Variants in BOD1L1 observed in about 807,000 individuals in gnomAD.
BOD1L1 encodes biorientation of chromosomes in cell division protein 1-like 1.
BOD1L1 carries 86 observed loss-of-function variants against 240.7 expected under a neutral mutation model. The ratio of observed to expected loss-of-function variants is 0.36; its 90% CI spans 0.30 to 0.43. BOD1L1 has a LOEUF of 0.43. Ranked by LOEUF, BOD1L1 falls within the 20% of genes least tolerant of loss-of-function variation. BOD1L1 has a pLI of 1.00. For missense variants in BOD1L1, 3,554 were observed against 3,643.5 expected (o/e 0.98, Z 0.63); for synonymous variants, 1,268 against 1,272.3 (o/e 1.00, Z 0.07).
At position 13,609,415 on chromosome 4, in the gene BOD1L1, A is replaced by G. The variant is rs889194362; in HGVS notation, c.1492-9T>C. ...TCTTCTTTTTCTTTGGCCTAAAACC[A>G]CAAAATACCCTAACAGATTATTAGG... On this transcript the variant is annotated splice_polypyrimidine_tract_variant and intron_variant, in intron 6 of 25. Coordinates refer to ENST00000040738, the MANE Select transcript of BOD1L1 (RefSeq NM_148894.3). 2.9e-5 allele frequency: 43 copies of G among 1,478,172 alleles called. No individual in the cohort carries two copies. The highest frequency in any genetic ancestry group is 3.4e-5 in the Non-Finnish European group (38 of 1,110,154). The allele number at this position is 1,478,172 out of a possible 1,614,324, so 91.6% of individuals were successfully genotyped here.
In BOD1L1 at chr4:13,611,049, C is replaced by T; in HGVS notation, c.1376G>A (p.Ser459Asn). Reference protein sequence around the residue: ...NKTKTQTSDSSEGKTKSVRHA... With the variant: ...NKTKTQTSDSNEGKTKSVRHA... ...CCGTACACTTTTTGTTTTTCCTTCA[C>T]TAGAATCACTAGTTTGAGTTTTTGT... The change falls in exon 6 of 26, where the codon AGT becomes AAT. Residue 459 changes from serine (S) to asparagine (N), a missense_variant. This residue lies in a region of BOD1L1 where 3,393 missense variants were observed against 3,427.1 expected (regional missense o/e 0.99). Transcript: ENST00000040738. The T allele has an allele frequency of 6.2e-7, 1 of 1,611,312 alleles. No individual in the cohort carries two copies. Among genetic ancestry groups the T allele is most frequent in the Non-Finnish European group, 8.5e-7 (1 of 1,178,216 alleles).
chr4:13,612,680 T>G (rs1019063502), intron 5 of BOD1L1, among the ~76,000 whole-genome samples: 1 of 152,272 alleles, frequency 6.6e-6, no homozygotes, highest in African/African-American at 2.4e-5. Flanking sequence ...GGAGGTAATC[T>G]CTAAGCCTCT....
rs1712059776 is a variant in BOD1L1 at position 13,569,983 on chromosome 4, C to CA, written c.*27dup. The stretch of plus-strand genomic sequence containing the variant: ...CTCTTTCCTCTCCACCGTGTTCCTC[C>CA]ATAAGCCTAGGGCAGCAGTGGTCAG... On this transcript the variant is annotated 3_prime_UTR_variant, in exon 26 of 26. Coordinates refer to ENST00000040738, the MANE Select transcript of BOD1L1 (RefSeq NM_148894.3). 2 of 1,496,302 alleles carry CA rather than the reference C, an allele frequency of 1.3e-6. No individual in the cohort carries two copies. Among genetic ancestry groups the CA allele is most frequent in the African/African-American group, 2.9e-5 (2 of 69,814 alleles). 92.7% of individuals were successfully genotyped at this position (1,496,302 alleles called of 1,614,324 possible).
intron 17 of BOD1L1, 34 bp downstream of exon 17, chr4:13,586,362 C>T: frequency 6.7e-6 from 10 of 1,498,276 alleles, no homozygotes; most frequent in Non-Finnish European, 9.3e-6. Context: ...CCTACCCCCA[C>T]CCAAAACTTA....
In BOD1L1 at chr4:13,604,674, T is replaced by A. The variant is rs1715536032; in HGVS notation, c.2226A>T (p.Lys742Asn). 3.8e-6 allele frequency: 6 copies of A among 1,591,070 alleles called. No homozygotes were observed. In the South Asian group the frequency reaches 4.7e-5, roughly 12 times the overall value. ...GCATACAATCACCTTTATATTTATG[T>A]TTCACAGACAATTTGTCTTCCGATG... ...KTPSEDKLSV[K>N]HKYKGDCMHK... Residue 742 changes from lysine to asparagine, a missense_variant, in exon 10 of 26, where the codon AAA becomes AAT. Around this residue, in one of 2 missense-constraint regions of BOD1L1, gnomAD observed 3,393 missense variants for 3,427.1 expected, o/e 0.99. Coordinates refer to ENST00000040738, the MANE Select transcript of BOD1L1 (RefSeq NM_148894.3).
At chr4:13,574,092 A>C (rs1157378645) in intron 25 of BOD1L1, among the ~76,000 whole-genome samples, 2 of 152,236 alleles carry the variant, frequency 1.3e-5, no homozygotes. Context: ...ATGTAAGGCA[A>C]AATTAGACAG....
At chr4:13,612,553 C>G (rs543419955) in intron 5 of BOD1L1, among the ~76,000 whole-genome samples, 11 of 152,088 alleles carry the variant, frequency 7.2e-5, no homozygotes, top group Non-Finnish European at 1.0e-4. Context: ...ACATGAATGT[C>G]CTTAGCACAG....
rs1240510301 is a variant in BOD1L1 at position 13,600,844 on chromosome 4, C to A, written c.6056G>T (p.Cys2019Phe). 1 of 1,613,720 alleles carries A rather than the reference C, an allele frequency of 6.2e-7. No individual in the cohort carries two copies. The highest frequency in any genetic ancestry group is 8.5e-7 in the Non-Finnish European group (1 of 1,179,824). ...ACTTGGTGATGTGTGAGCAACTTCACATTCTGGGACTTCACCAGATACAAG... is the reference window on the plus strand; with the variant it reads ...ACTTGGTGATGTGTGAGCAACTTCAAATTCTGGGACTTCACCAGATACAAG... ...DVLVSGEVPE[C>F]EVAHTSPSEK... Residue 2019 changes from cysteine (C) to phenylalanine (F), a missense_variant, in exon 10 of 26, where the codon TGT (cysteine) becomes TTT (phenylalanine). Around this residue, in one of 2 missense-constraint regions of BOD1L1, gnomAD observed 3,393 missense variants for 3,427.1 expected, o/e 0.99. Coordinates refer to ENST00000040738, the MANE Select transcript of BOD1L1 (RefSeq NM_148894.3).
In BOD1L1 at chr4:13,603,989, C is replaced by A; in HGVS notation, c.2911G>T (p.Glu971Ter). ...EDKPFEETGV[E>*]PVLETASSSA... ...GAAGAAGCAGTCTCTAATACAGGTT[C>A]AACACCAGTTTCTTCAAAAGGTTTG... Residue 971 changes from glutamate (E) to a stop codon, truncating the protein, a stop_gained, in exon 10 of 26, where the codon GAA becomes TAA. Coordinates refer to ENST00000040738, the MANE Select transcript of BOD1L1 (RefSeq NM_148894.3). LOFTEE classifies it high-confidence loss of function. 6.2e-7 allele frequency: 1 copy of A among 1,613,896 alleles called. No homozygotes were observed. The highest frequency in any genetic ancestry group is 8.5e-7 in the Non-Finnish European group (1 of 1,179,870).
At chr4:13,576,081 T>C (rs980470908) in intron 25 of BOD1L1, among the ~76,000 whole-genome samples, 1 of 151,896 alleles carries the variant, frequency 6.6e-6, no homozygotes. Flanking sequence ...TTTTGTATTT[T>C]AGTAGAGACG....
In BOD1L1 at chr4:13,604,078, G is replaced by T. The variant is rs1715460999; in HGVS notation, c.2822C>A (p.Pro941Gln). 1 of 1,613,696 alleles carries T rather than the reference G, an allele frequency of 6.2e-7. No individual in the cohort carries two copies. The highest frequency in any genetic ancestry group is 8.5e-7 in the Non-Finnish European group (1 of 1,179,858). The change falls in exon 10 of 26, where the codon CCA becomes CAA. Residue 941 changes from proline (P) to glutamine (Q), a missense_variant. Physicochemically the swap from Pro to Gln is moderately conservative, Grantham distance 76 (BLOSUM62 -1). Around this residue, in one of 2 missense-constraint regions of BOD1L1, gnomAD observed 3,393 missense variants for 3,427.1 expected, o/e 0.99. Transcript: ENST00000040738. ...GATKQATTPK[P>Q]DKEKNTEEND... The stretch of plus-strand genomic sequence containing the variant: ...TTCTTCTGTGTTCTTCTCCTTGTCT[G>T]GTTTTGGAGTGGTTGCCTGTTTTGT...
chr4:13,603,099 T>C lies in BOD1L1; in HGVS notation c.3801A>G (p.Gln1267=). 2 of 1,614,024 alleles carry C rather than the reference T, an allele frequency of 1.2e-6. No individual in the cohort carries two copies. Among genetic ancestry groups the C allele is most frequent in the Non-Finnish European group, 1.7e-6 (2 of 1,179,874 alleles). ...TGGAATGTTCAAGAGTGGCATCTCC[T>C]TGAGCAACATGTTCTTCAGCAGCTG... The part of the protein sequence containing the change: ...KNTAAEEHVA[Q]GDATLEHSTN... Residue 1267 remains glutamine (Q), a synonymous_variant, in exon 10 of 26, where the codon CAA becomes CAG. Transcript: ENST00000040738.
Position 13,620,081 on chromosome 4 carries a change from A to C in BOD1L1, c.244-14T>G, listed in dbSNP as rs1560219818. The C allele has an allele frequency of 1.0e-5, 16 of 1,588,770 alleles. No individual in the cohort carries two copies. The highest frequency in any genetic ancestry group is 1.4e-5 in the Non-Finnish European group (16 of 1,166,358). ...CTGATACGCAGGCTAGAGAGAAAAA[A>C]ACGAAGGTAAGTCTTCAAGGTTATA... On this transcript the variant is annotated splice_polypyrimidine_tract_variant and intron_variant, in intron 1 of 25. Transcript: ENST00000040738.
chr4:13,587,684 C>CATAAAT lies in BOD1L1; in HGVS notation c.8353+9_8353+14dup, dbSNP rs755758957. The CATAAAT allele has an allele frequency of 6.6e-7, 1 of 1,520,744 alleles. No individual in the cohort carries two copies. The highest frequency in any genetic ancestry group is 1.2e-5 in the South Asian group (1 of 83,110). 94.2% of individuals were successfully genotyped at this position (1,520,744 alleles called of 1,614,324 possible). A position where few individuals can be genotyped will look rare whatever the true frequency, so the allele number is the denominator to read the frequency against. On this transcript the variant is annotated intron_variant, in intron 16 of 25. Transcript: ENST00000040738. The stretch of plus-strand genomic sequence containing the variant: ...TTTTCAAAGATGTCTAAAACAGAAA[C>CATAAAT]ATAAATATAAATACCTGGTTCATCT...
chr4:13,602,824 C>T lies in BOD1L1; in HGVS notation c.4076G>A (p.Ser1359Asn). 1 of 1,613,996 alleles carries T rather than the reference C, an allele frequency of 6.2e-7. No homozygotes were observed. The part of the protein sequence containing the change: ...GFTVDTPAKA[S>N]ITSKRHIPEA... ...TGGAATGTGTCTTTTGCTAGTGATG[C>T]TTGCTTTTGCTGGTGTATCTACTGT... is the stretch of plus-strand genomic sequence containing the variant. The change falls in exon 10 of 26, where the codon AGC becomes AAC. Residue 1359 changes from serine to asparagine, a missense_variant. Coordinates refer to ENST00000040738, the MANE Select transcript of BOD1L1 (RefSeq NM_148894.3).
chr4:13,610,008 C>A (rs1300740177), intron 6 of BOD1L1, among the ~76,000 whole-genome samples: 1 of 152,136 alleles, frequency 6.6e-6, no homozygotes, highest in African/African-American at 2.4e-5. Flanking sequence ...AACTTCTAAC[C>A]AAGTAATGTT....
rs1017990064 is a variant in BOD1L1, at chr4:13,591,923, A to G, written c.8148T>C (p.Asn2716=). ...REPLLVNESL[N]VENSGFRTNE... is the part of the protein sequence containing the mutation. The stretch of plus-strand genomic sequence containing the variant: ...AATCAAAACCATTACAGTGACTTAC[A>G]TTTAGTGATTCATTCACCAACAAAG... Residue 2716 remains asparagine (N), a splice_region_variant and synonymous_variant, in exon 13 of 26, where the codon AAT becomes AAC. Coordinates refer to ENST00000040738, the MANE Select transcript of BOD1L1 (RefSeq NM_148894.3). The G allele has an allele frequency of 5.8e-6, 9 of 1,560,372 alleles. No homozygotes were observed. The highest frequency in any genetic ancestry group is 6.9e-6 in the Non-Finnish European group (8 of 1,152,448).
In BOD1L1 at chr4:13,613,767, G is replaced by A; in HGVS notation, c.1175-106C>T. On this transcript the variant is annotated intron_variant, in intron 4 of 25. Transcript: ENST00000040738. The surrounding 1 kb of genome is among the most constrained non-coding windows in gnomAD (Gnocchi z 4.0). ...TTAAAATTTTCTGCTTTAAATACGT[G>A]TCAAACTATCAAACAAGGCAGAGTG... The A allele has an allele frequency of 2.3e-6, 2 of 867,514 alleles. No individual in the cohort carries two copies. Among genetic ancestry groups the A allele is most frequent in the East Asian group, 2.9e-5 (1 of 34,050 alleles). The allele number at this position is 867,514 out of a possible 1,614,324, so 53.7% of individuals were successfully genotyped here. A position where few individuals can be genotyped will look rare whatever the true frequency, so the allele number is the denominator to read the frequency against.
Position 13,598,947 on chromosome 4 carries a change from T to C in BOD1L1, c.7953A>G (p.Ile2651Met). The C allele has an allele frequency of 6.2e-7, 1 of 1,600,198 alleles. No individual in the cohort carries two copies. The highest frequency in any genetic ancestry group is 8.5e-7 in the Non-Finnish European group (1 of 1,170,884). Residue 2651 changes from isoleucine (I) to methionine (M), a missense_variant and splice_region_variant, in exon 10 of 26, where the codon ATA becomes ATG. Around this residue, in one of 2 missense-constraint regions of BOD1L1, gnomAD observed 3,393 missense variants for 3,427.1 expected, o/e 0.99. Coordinates refer to ENST00000040738, the MANE Select transcript of BOD1L1 (RefSeq NM_148894.3). ...TVSSEENVCD[I>M]GNEESPLNVL... The stretch of plus-strand genomic sequence containing the variant: ...TTGCAATTAGGTACAGATTCTCACC[T>C]ATGTCACACACATTTTCTTCAGAAG...
Sources: allele counts gnomAD v4.1 joint callset (sites outside exome capture counted in the v4.1 genomes callset), GRCh38; gene constraint gnomAD v4.1.1; regional missense constraint gnomAD v4.1.1; non-coding constraint Gnocchi (gnomAD v3.1); transcripts MANE v1.5; gene names NCBI Gene and HGNC (gene_info 2026-07-23, HGNC 2026-07-21).